Variants in MAML2 observed in about 807,000 individuals in gnomAD.
The protein encoded by MAML2 is mastermind like transcriptional coactivator 2.
In MAML2, 22 loss-of-function variants were observed where a neutral mutation model predicts 96.1. The ratio of observed to expected loss-of-function variants is 0.23; its 90% CI spans 0.16 to 0.33. The LOEUF (loss-of-function observed/expected upper bound fraction) is 0.33. MAML2 is among the 10% of genes least tolerant of loss of function. The probability of loss-of-function intolerance (pLI) is 1.00; values close to 1 mark genes in which losing one functional copy is unlikely to be tolerated. For synonymous variants in MAML2, 561 were observed against 521.3 expected (o/e 1.08, Z -1.04); for missense variants, 1,367 against 1,392.4 (o/e 0.98, Z 0.29).
intron 2 of MAML2, among the ~76,000 whole-genome samples, chr11:96,049,395 T>C (rs1858955872): frequency 1.3e-5 from 2 of 152,248 alleles, no homozygotes; most frequent in Non-Finnish European, 2.9e-5. Context: ...AAGTCCCTTT[T>C]CTTTTTTTGA....
intron 2 of MAML2, among the ~76,000 whole-genome samples, chr11:96,060,075 C>T (rs989476931): frequency 1.3e-5 from 2 of 152,196 alleles, no homozygotes; most frequent in Admixed American, 6.5e-5. Flanking sequence ...AAGAGTACTT[C>T]AGGTCCAGGG....
intron 2 of MAML2, among the ~76,000 whole-genome samples, chr11:96,073,366 G>C (rs1361700057): frequency 6.8e-6 from 1 of 146,180 alleles, no homozygotes; most frequent in African/African-American, 2.5e-5. Flanking sequence ...TGTTGCCCAG[G>C]CTGGAGTGCA....
chr11:96,157,601 T>G (rs192479703), intron 1 of MAML2, among the ~76,000 whole-genome samples: 1 of 152,378 alleles, frequency 6.6e-6, no homozygotes, highest in East Asian at 1.9e-4. Context: ...GATAAGTATC[T>G]CTTATACAAA....
intron 2 of MAML2, among the ~76,000 whole-genome samples, chr11:96,078,134 A>G (rs1249063689): frequency 2.0e-5 from 3 of 152,170 alleles, no homozygotes; most frequent in African/African-American, 7.2e-5. Context: ...TCCATAGCAA[A>G]GTGCTCTGTG....
chr11:96,201,954 T>A (rs2135931004), intron 1 of MAML2, among the ~76,000 whole-genome samples: 1 of 150,762 alleles, frequency 6.6e-6, no homozygotes, highest in South Asian at 2.1e-4. Context: ...TATAGTACCA[T>A]GAAGGCCTCA....
At chr11:95,988,376 A>C (rs1857861627) in intron 3 of MAML2, among the ~76,000 whole-genome samples, 1 of 151,578 alleles carries the variant, frequency 6.6e-6, no homozygotes, top group Non-Finnish European at 1.5e-5. Context: ...CTTCTGCCTC[A>C]GTCTCCCAAG....
chr11:96,300,713 A>G (rs1334722576), intron 1 of MAML2, among the ~76,000 whole-genome samples: 1 of 152,214 alleles, frequency 6.6e-6, no homozygotes, highest in Non-Finnish European at 1.5e-5. Context: ...ATTGGAAGAA[A>G]GGGAGGATCC....
chr11:96,311,932 T>C (rs975264857), intron 1 of MAML2, among the ~76,000 whole-genome samples: 2 of 152,094 alleles, frequency 1.3e-5, no homozygotes, highest in Non-Finnish European at 2.9e-5. Context: ...CTGATAAAGA[T>C]CTATGTAGCT....
intron 1 of MAML2, among the ~76,000 whole-genome samples, chr11:96,293,906 T>C (rs1179168282): frequency 6.6e-6 from 1 of 152,226 alleles, no homozygotes; most frequent in Non-Finnish European, 1.5e-5. Flanking sequence ...CAGAGTCTAA[T>C]AGTCTAGTGA....
intron 1 of MAML2, among the ~76,000 whole-genome samples, chr11:96,292,228 A>G (rs1863223651): frequency 6.6e-6 from 1 of 152,202 alleles, no homozygotes; most frequent in Non-Finnish European, 1.5e-5. Flanking sequence ...GGTCCAAAGT[A>G]AAAAATTGGC....
chr11:96,277,786 T>C lies in MAML2; in HGVS notation c.513+63597A>G, dbSNP rs146619146. On this transcript the variant is annotated intron_variant, in intron 1 of 4. Transcript: ENST00000524717. ...CTTTCTAAAATAATTTAAAATGGAA[T>C]AAAAGATATCTTAGAAGAATTAAAT... Among the ~76,000 whole-genome samples the C allele has an allele frequency of 2.1e-3, 303 of 146,352 alleles. 3 individuals carry two copies. The highest frequency in any genetic ancestry group is 7.1e-3 in the African/African-American group (283 of 39,726).
rs763344223 is a variant in MAML2, at chr11:95,985,611, C to T, written c.2375G>A (p.Arg792Gln). Reference protein sequence around the residue: ...EKIAPQDQINRHLSRPPPDYK... With the variant: ...EKIAPQDQINQHLSRPPPDYK... ...ATCTGGAGGTGGCCTTGACAAATGT[C>T]GGTTTATCTGATCTTGTGGAGCAAT... Residue 792 changes from arginine to glutamine, a missense_variant, in exon 4 of 5, where the codon CGA (arginine) becomes CAA (glutamine). By Grantham distance (43) the Arg-to-Gln change is conservative (BLOSUM62 1). Coordinates refer to ENST00000524717, the MANE Select transcript of MAML2 (RefSeq NM_032427.4). The T allele has an allele frequency of 5.6e-6, 9 of 1,611,784 alleles. No individual in the cohort carries two copies. Among genetic ancestry groups the T allele is most frequent in the East Asian group, 2.2e-5 (1 of 44,754 alleles).
chr11:96,289,037 G>T (rs1295798541), intron 1 of MAML2, among the ~76,000 whole-genome samples: 1 of 152,192 alleles, frequency 6.6e-6, no homozygotes, highest in Non-Finnish European at 1.5e-5. Flanking sequence ...CATGGTATGT[G>T]TAAAGCCTGT....
At chr11:96,105,713 C>T (rs903080685) in intron 1 of MAML2, among the ~76,000 whole-genome samples, 1 of 152,056 alleles carries the variant, frequency 6.6e-6, no homozygotes, top group African/African-American at 2.4e-5. Context: ...TAATGTTAGC[C>T]TGAGTAACTA....
chr11:96,225,503 A>C (rs1862198190), intron 1 of MAML2, among the ~76,000 whole-genome samples: 1 of 152,150 alleles, frequency 6.6e-6, no homozygotes, highest in Admixed American at 6.5e-5. Context: ...TGTGGTAATA[A>C]ATGTTAATTA....
intron 1 of MAML2, among the ~76,000 whole-genome samples, chr11:96,283,772 G>A (rs1202018694): frequency 2.0e-5 from 3 of 152,086 alleles, no homozygotes; most frequent in Non-Finnish European, 2.9e-5. Context: ...TTACATTTTC[G>A]ACCTCTTCCT....
chr11:96,016,505 T>C (rs1858354907), intron 2 of MAML2, among the ~76,000 whole-genome samples: 1 of 152,152 alleles, frequency 6.6e-6, no homozygotes, highest in Admixed American at 6.5e-5. Flanking sequence ...CTTACTTCTG[T>C]TGATGTTTTA....
At chr11:96,209,019 T>G (rs1396939453) in intron 1 of MAML2, among the ~76,000 whole-genome samples, 1 of 152,100 alleles carries the variant, frequency 6.6e-6, no homozygotes, top group African/African-American at 2.4e-5. Flanking sequence ...TCAAAGTGCT[T>G]GTTAAAATGC....
chr11:96,288,558 A>C (rs1327923597), intron 1 of MAML2, among the ~76,000 whole-genome samples: 3 of 151,768 alleles, frequency 2.0e-5, no homozygotes, highest in East Asian at 3.8e-4. Flanking sequence ...AAAAAAAAAA[A>C]AAACAACCAA....
Sources: allele counts gnomAD v4.1 joint callset (sites outside exome capture counted in the v4.1 genomes callset), GRCh38; gene constraint gnomAD v4.1.1; transcripts MANE v1.5; gene names NCBI Gene and HGNC (gene_info 2026-07-23, HGNC 2026-07-21).